The following KIF26B variants were observed in gnomAD, a reference collection of about 807,000 sequenced individuals.
The protein encoded by KIF26B is kinesin-like protein KIF26B.
Under a neutral mutation model 151.2 loss-of-function variants are expected in KIF26B, and 63 were observed. That is an observed-to-expected ratio of 0.42 (90% CI 0.34 to 0.51). The LOEUF (loss-of-function observed/expected upper bound fraction) is 0.51. Among genes scored for constraint, KIF26B ranks in the 20% least tolerant of loss-of-function variants. The pLI is 0.07. For synonymous variants in KIF26B, 1,357 were observed against 1,262.1 expected (o/e 1.08, Z -1.59); for missense variants, 2,813 against 2,913.6 (o/e 0.97, Z 0.79).
chr1:245,221,809 G>A (rs1212811707), intron 2 of KIF26B, among the ~76,000 whole-genome samples: 1 of 152,194 alleles, frequency 6.6e-6, no homozygotes, highest in African/African-American at 2.4e-5. Context: ...TCTGAGTTTT[G>A]AAGTAAAATT....
At chr1:245,276,532 C>G (rs1026156969) in intron 2 of KIF26B, among the ~76,000 whole-genome samples, 2 of 152,176 alleles carry the variant, frequency 1.3e-5, no homozygotes, top group Non-Finnish European at 2.9e-5. Flanking sequence ...GGCGCCCTTT[C>G]CTATTCTAAA....
At chr1:245,288,518 A>C (rs948094800) in intron 2 of KIF26B, among the ~76,000 whole-genome samples, 3 of 152,244 alleles carry the variant, frequency 2.0e-5, no homozygotes, top group African/African-American at 7.2e-5. Context: ...GAAGAAGGAC[A>C]TGGGAACATA....
chr1:245,655,978 G>A (rs574229651), intron 10 of KIF26B, among the ~76,000 whole-genome samples: 1 of 152,298 alleles, frequency 6.6e-6, no homozygotes, highest in South Asian at 2.1e-4. Flanking sequence ...AGAACTGGTG[G>A]AGGAATTTAA....
chr1:245,702,772 C>G lies in KIF26B; in HGVS notation c.*166C>G. 2 of 733,246 alleles carry G rather than the reference C, an allele frequency of 2.7e-6. No individual in the cohort carries two copies. Among genetic ancestry groups the G allele is most frequent in the Non-Finnish European group, 4.2e-6 (2 of 478,114 alleles). 45.4% of individuals were successfully genotyped at this position (733,246 alleles called of 1,614,324 possible). The stretch of plus-strand genomic sequence containing the variant: ...CGGAAGGCGAGTTTTCTTTTGTTTT[C>G]TGTAGGAAAGGTGCAAACGTCAAAC... On this transcript the variant is annotated 3_prime_UTR_variant, in exon 15 of 15. Transcript: ENST00000407071. The surrounding 1 kb of genome is among the most constrained non-coding windows in gnomAD (Gnocchi z 4.1).
chr1:245,416,279 TC>T (rs1268164059), intron 3 of KIF26B, among the ~76,000 whole-genome samples: 1 of 27,380 alleles, frequency 3.7e-5, no homozygotes, highest in East Asian at 5.1e-4. Flanking sequence ...AAACTCTGTC[TC>T]AAAAAAAAAA....
intron 9 of KIF26B, among the ~76,000 whole-genome samples, chr1:245,636,349 C>T (rs1233372996): frequency 9.1e-6 from 1 of 110,330 alleles, no homozygotes; most frequent in African/African-American, 4.0e-5. Flanking sequence ...CATTATAGAA[C>T]GTTTTTTTTT....
intron 3 of KIF26B, among the ~76,000 whole-genome samples, chr1:245,388,044 G>A (rs1027735239): frequency 6.6e-6 from 1 of 152,156 alleles, no homozygotes; most frequent in Non-Finnish European, 1.5e-5. Flanking sequence ...GCAGAGTTGC[G>A]ACCTCTCTCC....
chr1:245,171,196 CT>C (rs1200633456), intron 2 of KIF26B, among the ~76,000 whole-genome samples: 1 of 152,174 alleles, frequency 6.6e-6, no homozygotes, highest in Non-Finnish European at 1.5e-5. Flanking sequence ...TTAAGAGCAC[CT>C]CTTCAGCACA....
intron 2 of KIF26B, among the ~76,000 whole-genome samples, chr1:245,225,383 T>G (rs186158857): frequency 6.6e-6 from 1 of 152,360 alleles, no homozygotes; most frequent in East Asian, 1.9e-4. Flanking sequence ...TACTTTCCTG[T>G]CCAATCTCTG....
At chr1:245,657,476 T>G (rs937717895) in intron 10 of KIF26B, among the ~76,000 whole-genome samples, 1 of 152,216 alleles carries the variant, frequency 6.6e-6, no homozygotes, top group Non-Finnish European at 1.5e-5. Context: ...ACATTCCACA[T>G]AGCTGCCAGA....
At chr1:245,177,684 G>A (rs1668834649) in intron 2 of KIF26B, among the ~76,000 whole-genome samples, 1 of 148,886 alleles carries the variant, frequency 6.7e-6, no homozygotes, top group African/African-American at 2.5e-5. Context: ...GTGTGTGTGT[G>A]TGTGTGTGTG....
At chr1:245,568,142 G>T (rs780764380) in intron 5 of KIF26B, among the ~76,000 whole-genome samples, 3 of 120,186 alleles carry the variant, frequency 2.5e-5, no homozygotes, top group Non-Finnish European at 4.8e-5. Context: ...CCGAGATCAT[G>T]TCCCTGCACT....
intron 4 of KIF26B, among the ~76,000 whole-genome samples, chr1:245,432,186 T>C (rs1241408312): frequency 6.6e-6 from 1 of 152,144 alleles, no homozygotes; most frequent in African/African-American, 2.4e-5. Flanking sequence ...CTCAGACAAA[T>C]GGGAGATGGG....
chr1:245,354,061 G>A (rs1672628532), intron 2 of KIF26B: 1 of 152,318 alleles, frequency 6.6e-6, no homozygotes, highest in Non-Finnish European at 1.5e-5. Context: ...CTTATCCTCT[G>A]AGGGTCTCCT....
At chr1:245,355,630 A>AAAG (rs1672679109) in intron 2 of KIF26B, among the ~76,000 whole-genome samples, 1 of 151,780 alleles carries the variant, frequency 6.6e-6, no homozygotes, top group African/African-American at 2.4e-5. Flanking sequence ...AAGAAGAAAG[A>AAAG]ATTTAAAAAA....
chr1:245,608,945 G>T (rs1446579532), intron 7 of KIF26B, among the ~76,000 whole-genome samples: 1 of 151,938 alleles, frequency 6.6e-6, no homozygotes, highest in Non-Finnish European at 1.5e-5. Context: ...ATAGAGGCAG[G>T]GTCTCCGTAT....
At chr1:245,439,430 T>G (rs947064138) in intron 4 of KIF26B, among the ~76,000 whole-genome samples, 2 of 151,770 alleles carry the variant, frequency 1.3e-5, no homozygotes, top group Admixed American at 1.3e-4. Context: ...GGGGCGAGAA[T>G]TGTCTTAAAA....
chr1:245,317,455 A>C (rs1163517491), intron 2 of KIF26B, among the ~76,000 whole-genome samples: 2 of 152,238 alleles, frequency 1.3e-5, no homozygotes, highest in Non-Finnish European at 2.9e-5. Flanking sequence ...ACTGCTGAGA[A>C]AAACAGACTA....
In KIF26B at chr1:245,602,432, C is replaced by CTAATTCACT; in HGVS notation, c.1351-144_1351-136dup. The CTAATTCACT allele has an allele frequency of 1.5e-6, 1 of 647,528 alleles. No individual in the cohort carries two copies. The highest frequency in any genetic ancestry group is 2.7e-5 in the East Asian group (1 of 36,590). 40.1% of individuals were successfully genotyped at this position (647,528 alleles called of 1,614,324 possible). On this transcript the variant is annotated intron_variant, in intron 5 of 14. Transcript: ENST00000407071. The surrounding 1 kb of genome is among the most constrained non-coding windows in gnomAD (Gnocchi z 4.5). ...CCGTGACCCACCAAGGATGATGTTG[C>CTAATTCACT]TAATTCACTGTGCATTTCATCATAA...
Sources: gnomAD v4.1 joint callset for allele counts (sites outside exome capture counted in the v4.1 genomes callset) on GRCh38, gnomAD v4.1.1 for gene constraint, Gnocchi (gnomAD v3.1) non-coding constraint, MANE v1.5 for transcripts, NCBI Gene and HGNC (gene_info 2026-07-23, HGNC 2026-07-21) for gene names.